Variants in SIPA1L3 observed in about 807,000 individuals in gnomAD.
SIPA1L3 encodes signal induced proliferation associated 1 like 3.
A neutral mutation model predicts 150.1 loss-of-function variants in SIPA1L3; 59 were observed. That is an observed-to-expected ratio of 0.39 (90% CI 0.32 to 0.49). The LOEUF (loss-of-function observed/expected upper bound fraction) is 0.49. Ranked by LOEUF, SIPA1L3 falls within the 20% of genes least tolerant of loss-of-function variation. The pLI is 0.86. For synonymous variants in SIPA1L3, 1,070 were observed against 1,077.6 expected (o/e 0.99, Z 0.14); for missense variants, 2,211 against 2,489.5 (o/e 0.89, Z 2.38).
At chr19:38,175,773 C>G (rs150469587) in intron 15 of SIPA1L3, among the ~76,000 whole-genome samples, 1 of 152,182 alleles carries the variant, frequency 6.6e-6, no homozygotes, top group Admixed American at 6.6e-5. Context: ...ATAGACCCCA[C>G]GCAAGTTGGC....
At chr19:37,995,125 T>C (rs919509611) in intron 1 of SIPA1L3, among the ~76,000 whole-genome samples, 9 of 152,060 alleles carry the variant, frequency 5.9e-5, no homozygotes, top group African/African-American at 1.4e-4. Flanking sequence ...AATATGTTCT[T>C]ATAAATACCC....
chr19:38,096,422 C>G (rs1415751262), intron 4 of SIPA1L3, among the ~76,000 whole-genome samples: 1 of 151,970 alleles, frequency 6.6e-6, no homozygotes, highest in African/African-American at 2.4e-5. Flanking sequence ...GCTAATTTTT[C>G]TATTTTAGTA....
chr19:38,203,922 C>G (rs150323019), intron 20 of SIPA1L3: 1 of 571,682 alleles, frequency 1.7e-6, no homozygotes, highest in Admixed American at 3.1e-5. Flanking sequence ...CCTAACACCC[C>G]GTCCACATCC....
At chr19:38,022,938 T>C in intron 1 of SIPA1L3, among the ~76,000 whole-genome samples, 1 of 152,174 alleles carries the variant, frequency 6.6e-6, no homozygotes, top group East Asian at 1.9e-4. Flanking sequence ...CAGATAGCTC[T>C]CCCAAAATGT....
chr19:38,162,169 AGACAGTCT>A, intron 13 of SIPA1L3, 76 bp from the exon 14 acceptor site: 1 of 1,016,142 alleles, frequency 9.8e-7, no homozygotes, highest in Middle Eastern at 2.1e-4. Context: ...GTGGGTGAGC[AGACAGTCT>A]GGCAAAGGGT....
chr19:38,066,468 T>C (rs755310261), intron 2 of SIPA1L3, among the ~76,000 whole-genome samples: 1 of 152,226 alleles, frequency 6.6e-6, no homozygotes, highest in Non-Finnish European at 1.5e-5. Context: ...TGTACCTTTC[T>C]TGACGTAGAC....
chr19:38,194,109 C>A (rs1347205081), intron 18 of SIPA1L3, among the ~76,000 whole-genome samples: 1 of 151,554 alleles, frequency 6.6e-6, no homozygotes, highest in African/African-American at 2.4e-5. Context: ...TGCCCTAGCA[C>A]CCCCCAACCC....
At position 37,925,030 on chromosome 19, in the gene SIPA1L3, T is replaced by C. The variant is rs1369386541; in HGVS notation, c.-379+17672T>C. Among the ~76,000 whole-genome samples, 10 of 147,320 alleles carry C rather than the reference T, an allele frequency of 6.8e-5. 1 individual carries two copies. The South Asian group carries it at 1.1e-3, about 16-fold the overall frequency. ...CACCACTGCACTCCAGCCTGGGGAA[T>C]AGAGGGAGACTCTGTCTCAAAAAAA... On this transcript the variant is annotated intron_variant, in intron 1 of 21. Coordinates refer to ENST00000222345, the MANE Select transcript of SIPA1L3 (RefSeq NM_015073.3).
chr19:37,987,503 T>A (rs1029812378), intron 1 of SIPA1L3, among the ~76,000 whole-genome samples: 3 of 152,232 alleles, frequency 2.0e-5, no homozygotes, highest in Non-Finnish European at 4.4e-5. Context: ...TATTATGGGC[T>A]GTTCAGCAGC....
intron 2 of SIPA1L3, among the ~76,000 whole-genome samples, chr19:38,065,265 C>G (rs7250329): frequency 0.15 from 23,562 of 152,040 alleles, 2,162 homozygotes; most frequent in African/African-American, 0.23. Context: ...CCTTTGGAAA[C>G]ATGCAAATTG....
At chr19:38,085,597 T>A (rs897689774) in intron 3 of SIPA1L3, among the ~76,000 whole-genome samples, 1 of 152,068 alleles carries the variant, frequency 6.6e-6, no homozygotes. Context: ...TTAGAGGAAC[T>A]AAGGAGGCCA....
chr19:37,993,547 A>G (rs758196317), intron 1 of SIPA1L3, among the ~76,000 whole-genome samples: 21 of 151,986 alleles, frequency 1.4e-4, no homozygotes, highest in Admixed American at 3.3e-4. Context: ...TGGCCAGGCT[A>G]TTATTATTAA....
At chr19:38,062,934 G>T (rs568831837) in intron 2 of SIPA1L3, among the ~76,000 whole-genome samples, 192 of 152,284 alleles carry the variant, frequency 1.3e-3, no homozygotes, top group African/African-American at 4.5e-3. Context: ...GTTCTCAAAT[G>T]GGGTGGCCCC....
intron 2 of SIPA1L3, among the ~76,000 whole-genome samples, chr19:38,067,402 G>C (rs1969620319): frequency 6.6e-6 from 1 of 152,164 alleles, no homozygotes. Flanking sequence ...CTCCTGTGGG[G>C]ACTGCCCTGG....
Position 38,082,870 on chromosome 19 carries a change from G to T in SIPA1L3, c.1305G>T (p.Gly435=). 6.2e-7 allele frequency: 1 copy of T among 1,613,602 alleles called. No individual in the cohort carries two copies. The highest frequency in any genetic ancestry group is 1.7e-5 in the Admixed American group (1 of 60,024). ...LSCPHFRNEI[G]GECERNVSFS... is the part of the protein sequence containing the mutation. ...GCCCGCACTTCCGCAATGAGATCGG[G>T]GGCGAGTGTGAGCGCAACGTGAGCT... Residue 435 remains glycine, a synonymous_variant, in exon 3 of 22, where the codon GGG becomes GGT. Transcript: ENST00000222345.
chr19:38,039,711 A>T (rs1968869957), intron 2 of SIPA1L3, among the ~76,000 whole-genome samples: 1 of 110,624 alleles, frequency 9.0e-6, no homozygotes, highest in African/African-American at 3.6e-5. Flanking sequence ...AAAAAAAAAA[A>T]AAAAAGTTTG....
chr19:37,915,245 T>C (rs2046406056), intron 1 of SIPA1L3, among the ~76,000 whole-genome samples: 1 of 152,188 alleles, frequency 6.6e-6, no homozygotes, highest in Non-Finnish European at 1.5e-5. Context: ...CAAGGTTGAC[T>C]GCTTGGTTGC....
At chr19:38,169,064 T>C (rs1972269331) in intron 15 of SIPA1L3, among the ~76,000 whole-genome samples, 1 of 151,760 alleles carries the variant, frequency 6.6e-6, no homozygotes, top group African/African-American at 2.4e-5. Context: ...CTTGGACAAG[T>C]TAAGGAGAAA....
In SIPA1L3 at chr19:37,984,752, G is replaced by GTGAT. The variant is rs373848906; in HGVS notation, c.-378-44334_-378-44331dup. ...GTCATAAACGTTAATGACAACAGTA[G>GTGAT]TGATTGTTCTGTAGGCTGCTGTGGA... On this transcript the variant is annotated intron_variant, in intron 1 of 21. Coordinates refer to ENST00000222345, the MANE Select transcript of SIPA1L3 (RefSeq NM_015073.3). 7.8e-3 allele frequency among the ~76,000 whole-genome samples: 1,195 copies of GTGAT among 152,360 alleles called. 22 individuals are homozygous for GTGAT. Among genetic ancestry groups the GTGAT allele is most frequent in the African/African-American group, 0.028 (1,150 of 41,582 alleles).
Sources: gnomAD v4.1 joint callset for allele counts (sites outside exome capture counted in the v4.1 genomes callset) on GRCh38, gnomAD v4.1.1 for gene constraint, MANE v1.5 for transcripts, NCBI Gene and HGNC (gene_info 2026-07-23, HGNC 2026-07-21) for gene names.